DMBT1: variants seen among roughly 807,000 people sequenced by gnomAD.
DMBT1 encodes the protein deleted in malignant brain tumors 1.
DMBT1 carries 198 observed loss-of-function variants against 252.9 expected under a neutral mutation model. That is an observed-to-expected ratio of 0.78 (90% CI 0.70 to 0.88). DMBT1 has a LOEUF of 0.88. Among genes scored for constraint, DMBT1 ranks in the 40% least tolerant of loss-of-function variants. The probability of loss-of-function intolerance (pLI) is 0.00; values close to 1 mark genes in which losing one functional copy is unlikely to be tolerated. For synonymous variants in DMBT1, 990 were observed against 942.7 expected, an observed-to-expected ratio of 1.05 and a Z score of -0.92; for missense variants, 2,432 against 2,404.7, an observed-to-expected ratio of 1.01 and a Z score of -0.24.
chr10:122,633,418 C>A, intron 52 of DMBT1, 77 bp downstream of exon 52: 2 of 1,551,868 alleles, frequency 1.3e-6, no homozygotes, highest in South Asian at 2.5e-5. Flanking sequence ...TAAGTGTGCG[C>A]CCAGAAGAAT....
chr10:122,635,889 TC>T, intron 52 of DMBT1, 101 bp from the exon 53 acceptor site: 1 of 1,255,184 alleles, frequency 8.0e-7, no homozygotes, highest in Non-Finnish European at 1.1e-6. Context: ...ATGAACTTTG[TC>T]AGAGTTTCTG....
At chr10:122,570,688 CA>C (rs1239557124) in intron 3 of DMBT1, among the ~76,000 whole-genome samples, 1 of 152,128 alleles carries the variant, frequency 6.6e-6, no homozygotes, top group Non-Finnish European at 1.5e-5. Flanking sequence ...GTAAGTAGAG[CA>C]AAGGATGCTT....
At chr10:122,623,624 GT>G (rs2098091197) in intron 44 of DMBT1, among the ~76,000 whole-genome samples, 1 of 152,184 alleles carries the variant, frequency 6.6e-6, no homozygotes, top group African/African-American at 2.4e-5. Context: ...ATTTCATGGT[GT>G]TTTGATTTGC....
Position 122,586,060 on chromosome 10 carries a change from G to A in DMBT1, c.1460G>A (p.Gly487Glu), listed in dbSNP as rs2097786735. Residue 487 changes from glycine (G) to glutamate (E), a missense_variant and splice_region_variant, in exon 16 of 56, where the codon GGA (glycine) becomes GAA (glutamate). By Grantham distance (98) the Gly-to-Glu change is moderately conservative. Coordinates refer to ENST00000338354, the MANE Select transcript of DMBT1 (RefSeq NM_001377530.1). ...PTITLPASTV[G>E]SESSLALRLV... ...GAAGGGTTCTTGTTTTCCCCTGTAG[G>A]ATCTGAATCCAGTTTGGCCCTGAGG... 1.3e-6 allele frequency: 2 copies of A among 1,588,600 alleles called. No individual in the cohort carries two copies. Among genetic ancestry groups the A allele is most frequent in the East Asian group, 2.3e-5 (1 of 42,772 alleles).
Position 122,598,934 on chromosome 10 carries a change from C to T in DMBT1, c.3117C>T (p.Ala1039=), listed in dbSNP as rs1209166456. 2 of 1,613,664 alleles carry T rather than the reference C, an allele frequency of 1.2e-6. No homozygotes were observed. The highest frequency in any genetic ancestry group is 1.7e-6 in the Non-Finnish European group (2 of 1,179,760). Reference sequence around the variant, plus strand: ...GCAGGCAACTGGGCTGTGGCTGGGCCATGTCAGCCCCAGGAAATGCCCGGT... The same window carrying T: ...GCAGGCAACTGGGCTGTGGCTGGGCTATGTCAGCCCCAGGAAATGCCCGGT... The part of the protein sequence containing the change: ...VVCRQLGCGW[A]MSAPGNARFG... The change falls in exon 26 of 56, where the codon GCC becomes GCT. Residue 1039 remains alanine, a synonymous_variant. Transcript: ENST00000338354.
chr10:122,599,735 G>T (rs1161801751), intron 26 of DMBT1, among the ~76,000 whole-genome samples: 2 of 152,226 alleles, frequency 1.3e-5, no homozygotes, highest in Non-Finnish European at 2.9e-5. Flanking sequence ...CTTGAGGACG[G>T]CACAAGGGAT....
chr10:122,637,086 C>T, intron 53 of DMBT1, 42 bp from the exon 54 acceptor site: 1 of 1,586,322 alleles, frequency 6.3e-7, no homozygotes, highest in Non-Finnish European at 8.6e-7. Flanking sequence ...CTTGTGGAGT[C>T]TGGGGCAGTG....
At chr10:122,639,197 G>A (rs946930746) in intron 54 of DMBT1, among the ~76,000 whole-genome samples, 1 of 152,160 alleles carries the variant, frequency 6.6e-6, no homozygotes, top group African/African-American at 2.4e-5. Flanking sequence ...TACCTCCATC[G>A]TAGGCACCAC....
chr10:122,636,116 C>T lies in DMBT1; in HGVS notation c.6674C>T (p.Ser2225Phe), dbSNP rs780971341. 2 of 1,614,010 alleles carry T rather than the reference C, an allele frequency of 1.2e-6. No individual in the cohort carries two copies. The highest frequency in any genetic ancestry group is 2.2e-5 in the South Asian group (2 of 91,082). The change falls in exon 53 of 56, where the codon TCC (serine) becomes TTC (phenylalanine). Residue 2225 changes from serine to phenylalanine, a missense_variant. Ser to Phe is a radical substitution (Grantham distance 155). Transcript: ENST00000338354. ...GSFTSSSNFMSIRFISDHSIT... is the reference protein window; with the variant it reads ...GSFTSSSNFMFIRFISDHSIT... ...TTCACTTCTTCCTCCAACTTCATGT[C>T]CATTCGCTTCATCAGTGACCACAGC...
chr10:122,587,319 C>T lies in DMBT1; in HGVS notation c.1783+936C>T, dbSNP rs574127724. ...GAGGACTAATAAGGAGGCATCAGAC[C>T]GGAAACACAAGGCTGGGAGTGGAGA... On this transcript the variant is annotated intron_variant, in intron 16 of 55. Transcript: ENST00000338354. Among the ~76,000 whole-genome samples, 9 of 148,268 alleles carry T rather than the reference C, an allele frequency of 6.1e-5. 2 individuals are homozygous for T. The highest frequency in any genetic ancestry group is 9.0e-5 in the Non-Finnish European group (6 of 66,650).
At chr10:122,570,980 C>G in intron 4 of DMBT1, 43 bp downstream of exon 4, 1 of 1,594,872 alleles carries the variant, frequency 6.3e-7, no homozygotes, top group Non-Finnish European at 8.6e-7. Flanking sequence ...CATTACCCCA[C>G]TGCACCCCTA....
chr10:122,635,834 G>A (rs1373615510), intron 52 of DMBT1, among the ~76,000 whole-genome samples, 157 bp from the exon 53 acceptor site: 1 of 152,206 alleles, frequency 6.6e-6, no homozygotes, highest in African/African-American at 2.4e-5. Context: ...GGGATTATAA[G>A]TGTGAGCTAC....
intron 1 of DMBT1, among the ~76,000 whole-genome samples, chr10:122,565,552 C>T (rs1245796526): frequency 6.6e-6 from 1 of 152,130 alleles, no homozygotes; most frequent in African/African-American, 2.4e-5. Flanking sequence ...TCAGAAGGAA[C>T]AGAATATCTG....
Position 122,598,985 on chromosome 10 carries a change from C to T in DMBT1, c.3168C>T (p.Val1056=), listed in dbSNP as rs757709225. Residue 1056 remains valine (V), a synonymous_variant, in exon 26 of 56, where the codon GTC becomes GTT. Transcript: ENST00000338354. ...ARFGQGSGPI[V]LDDVRCSGHE... ...TTGGTCAGGGCTCAGGACCCATTGT[C>T]CTGGATGATGTGCGCTGCTCAGGAC... 2.6e-5 allele frequency: 42 copies of T among 1,613,652 alleles called. No homozygotes were observed. In the African/African-American group the frequency reaches 5.1e-4, roughly 19 times the overall value.
In DMBT1 at chr10:122,585,887, C is replaced by G. The variant is rs534481073; in HGVS notation, c.1460-173C>G. On this transcript the variant is annotated intron_variant, in intron 15 of 55. Transcript: ENST00000338354. Reference sequence around the variant, plus strand: ...AAACTTGAGCCTTCATAAACCCAGGCAGAACTGCTTCTTTGACTTTGATGA... The same window carrying G: ...AAACTTGAGCCTTCATAAACCCAGGGAGAACTGCTTCTTTGACTTTGATGA... 6.0e-4 allele frequency among the ~76,000 whole-genome samples: 90 copies of G among 148,994 alleles called. 12 individuals are homozygous for G. The South Asian group carries it at 7.4e-3, about 12-fold the overall frequency.
intron 2 of DMBT1, among the ~76,000 whole-genome samples, chr10:122,568,294 A>G (rs2097620847): frequency 6.6e-6 from 1 of 152,134 alleles, no homozygotes; most frequent in South Asian, 2.1e-4. Context: ...CCAGGAGGCC[A>G]CTGAAAATGC....
intron 54 of DMBT1, 143 bp from the exon 55 acceptor site, chr10:122,639,897 G>A (rs558831593): frequency 4.2e-5 from 42 of 988,508 alleles, no homozygotes; most frequent in Middle Eastern, 3.2e-4. Context: ...GGATAGGCAC[G>A]TGCCATGGCC....
At chr10:122,634,389 TTTCTTTCTTTC>T (rs1395362825) in intron 52 of DMBT1, among the ~76,000 whole-genome samples, 45 of 140,294 alleles carry the variant, frequency 3.2e-4, no homozygotes, top group Non-Finnish European at 4.3e-4. Flanking sequence ...TCTTTCTTTC[TTTCTTTCTTTC>T]TTTTCTTTCT....
intron 40 of DMBT1, 118 bp downstream of exon 40, chr10:122,617,378 G>A (rs1156513824): frequency 1.1e-5 from 14 of 1,293,370 alleles, no homozygotes; most frequent in Non-Finnish European, 1.5e-5. Context: ...TGTGGGTTGG[G>A]TGGGAGGAAG....
Sources: gnomAD v4.1 joint callset for allele counts (sites outside exome capture counted in the v4.1 genomes callset) on GRCh38, gnomAD v4.1.1 for gene constraint, MANE v1.5 for transcripts, NCBI Gene and HGNC (gene_info 2026-07-23, HGNC 2026-07-21) for gene names.